The following RNF19B variants were observed in gnomAD, a reference collection of about 807,000 sequenced individuals.
The protein encoded by RNF19B is E3 ubiquitin-protein ligase RNF19B.
Under a neutral mutation model 65.5 loss-of-function variants are expected in RNF19B, and 23 were observed. The observed-to-expected ratio is 0.35, with a 90% CI of 0.25 to 0.50. The LOEUF (loss-of-function observed/expected upper bound fraction) is 0.50. Among genes scored for constraint, RNF19B ranks in the 20% least tolerant of loss-of-function variants. The pLI is 0.98. For synonymous variants in RNF19B, 372 were observed against 379.6 expected, an observed-to-expected ratio of 0.98 and a Z score of 0.23; for missense variants, 794 against 980.0, an observed-to-expected ratio of 0.81 and a Z score of 2.53.
At chr1:32,951,960 T>A (rs1468330781) in intron 1 of RNF19B, among the ~76,000 whole-genome samples, 4 of 77,308 alleles carry the variant, frequency 5.2e-5, no homozygotes, top group African/African-American at 2.1e-4. Flanking sequence ...ACGCCCGGCT[T>A]TTTTTTTTTT....
Position 32,964,774 on chromosome 1 carries a change from C to T in RNF19B, c.-89G>A. On this transcript the variant is annotated 5_prime_UTR_variant, in exon 1 of 9. Transcript: ENST00000235150. This position sits in a 1 kb window ranked among gnomAD's most constrained non-coding sequence, Gnocchi z 6.5. ...TCAGCCAGCGCCCGGCCGCCGCCGA[C>T]GCCGCCACCACCGCCTCAACCGCCC... is the stretch of plus-strand genomic sequence containing the variant. The T allele has an allele frequency of 3.3e-6, 4 of 1,204,034 alleles. No homozygotes were observed. The South Asian group carries it at 6.3e-5, about 19-fold the overall frequency. 74.6% of individuals were successfully genotyped at this position (1,204,034 alleles called of 1,614,324 possible).
chr1:32,938,140 CAA>C (rs80176999), intron 8 of RNF19B, among the ~76,000 whole-genome samples: 6 of 46,040 alleles, frequency 1.3e-4, no homozygotes, highest in Admixed American at 8.1e-4. Context: ...CCAAGAAAGA[CAA>C]AAAAAAAAAA....
rs2124121323 is a variant in RNF19B, at chr1:32,942,253, T to G, written c.1609A>C (p.Arg537=). Residue 537 remains arginine, a splice_region_variant and synonymous_variant, in exon 7 of 9, where the codon AGG becomes CGG. Transcript: ENST00000235150. ...ILSSGKGKYS[R]LEVQADVQKE... ...GTCAGAAATTATCTATTTGTTTACC[T>G]GCTATATTTTCCCTTGCCACTGGAG... 1 of 1,601,290 alleles carries G rather than the reference T, an allele frequency of 6.2e-7. No individual in the cohort carries two copies. Among genetic ancestry groups the G allele is most frequent in the South Asian group, 1.1e-5 (1 of 90,712 alleles).
At chr1:32,951,794 C>T (rs1194250843) in intron 1 of RNF19B, among the ~76,000 whole-genome samples, 1 of 151,752 alleles carries the variant, frequency 6.6e-6, no homozygotes, top group African/African-American at 2.4e-5. Flanking sequence ...TCTCTTCTGA[C>T]ACATATTCTT....
rs747793270 is a variant in RNF19B, at chr1:32,937,085, T to C, written c.1917A>G (p.Gln639=). The C allele has an allele frequency of 1.9e-6, 3 of 1,614,052 alleles. No individual in the cohort carries two copies. Among genetic ancestry groups the C allele is most frequent in the African/African-American group, 1.3e-5 (1 of 74,922 alleles). Residue 639 remains glutamine (Q), a synonymous_variant, in exon 9 of 9, where the codon CAA becomes CAG. Coordinates refer to ENST00000235150, the MANE Select transcript of RNF19B (RefSeq NM_001300826.2). The part of the protein sequence containing the change: ...GSEEDPPCRH[Q]SCEQKDCLAS... ...CCAGGCAGTCTTTCTGTTCACAGCT[T>C]TGGTGTCTGCAGGGGGGATCCTCTT...
At chr1:32,934,265 G>A (rs1434956251), downstream of RNF19B, among the ~76,000 whole-genome samples, 2 of 152,342 alleles carry the variant, frequency 1.3e-5, no homozygotes, top group East Asian at 3.9e-4. Context: ...TGGCCAGGAA[G>A]ACAAAAGTGC....
At chr1:32,946,628 C>T in intron 3 of RNF19B, 64 bp from the exon 4 acceptor site, 2 of 1,412,616 alleles carry the variant, frequency 1.4e-6, no homozygotes, top group South Asian at 1.3e-5. Context: ...TATCATAGGG[C>T]TTGATAACAG....
intron 4 of RNF19B, 63 bp downstream of exon 4, chr1:32,946,339 C>A: frequency 2.0e-6 from 3 of 1,484,954 alleles, no homozygotes; most frequent in Admixed American, 1.8e-5. Context: ...TCCCATTTCC[C>A]TCAAACCTTT....
intron 1 of RNF19B, among the ~76,000 whole-genome samples, chr1:32,955,760 A>G (rs968949585): frequency 3.3e-5 from 5 of 151,790 alleles, no homozygotes; most frequent in East Asian, 1.9e-4. Flanking sequence ...AAAAAAAAAA[A>G]AAAAGAAAAG....
chr1:32,951,322 G>A (rs1642492690), intron 1 of RNF19B, among the ~76,000 whole-genome samples: 1 of 152,188 alleles, frequency 6.6e-6, no homozygotes, highest in Admixed American at 6.5e-5. Context: ...CTTCTCCAAC[G>A]CCCCTTTGCA....
downstream of RNF19B, among the ~76,000 whole-genome samples, chr1:32,933,582 A>G (rs1642055556): frequency 6.6e-6 from 1 of 151,970 alleles, no homozygotes; most frequent in East Asian, 1.9e-4. Flanking sequence ...CTAATGCATT[A>G]TTTGTGTTCG....
rs1339885969 is a variant in RNF19B at position 32,949,794 on chromosome 1, G to T, written c.636-20C>A. On this transcript the variant is annotated intron_variant, in intron 1 of 8. Transcript: ENST00000235150. The stretch of plus-strand genomic sequence containing the variant: ...GCATAACTAGGTAAGGAAACAGTAA[G>T]AGATACCAGTAAGGTAAGAATGATC... 1 of 1,585,264 alleles carries T rather than the reference G, an allele frequency of 6.3e-7. No individual in the cohort carries two copies. The highest frequency in any genetic ancestry group is 8.6e-7 in the Non-Finnish European group (1 of 1,158,864).
intron 1 of RNF19B, among the ~76,000 whole-genome samples, chr1:32,954,457 G>A (rs1476699947): frequency 6.6e-6 from 1 of 151,548 alleles, no homozygotes; most frequent in Non-Finnish European, 1.5e-5. Context: ...TCTCCAAACC[G>A]GCCTGGTGCA....
chr1:32,936,891 G>T lies in RNF19B; in HGVS notation c.2111C>A (p.Pro704Gln), dbSNP rs775317758. Residue 704 changes from proline (P) to glutamine (Q), a missense_variant, in exon 9 of 9, where the codon CCG becomes CAG. Around this residue, in one of 3 missense-constraint regions of RNF19B, gnomAD observed 368 missense variants for 447.3 expected, o/e 0.82. Coordinates refer to ENST00000235150, the MANE Select transcript of RNF19B (RefSeq NM_001300826.2). ...CPSTPRAQGAPSPSAHMNLSA... is the reference protein window; with the variant it reads ...CPSTPRAQGAQSPSAHMNLSA... ...GAGGTTCATATGGGCACTTGGGCTC[G>T]GTGCACCTTGGGCTCTGGGGGTCGA... is the stretch of plus-strand genomic sequence containing the variant. 4 of 1,613,552 alleles carry T rather than the reference G, an allele frequency of 2.5e-6. No individual in the cohort carries two copies. Among genetic ancestry groups the T allele is most frequent in the African/African-American group, 1.3e-5 (1 of 74,858 alleles).
downstream of RNF19B, among the ~76,000 whole-genome samples, chr1:32,933,218 G>A (rs924020282): frequency 1.3e-5 from 2 of 152,038 alleles, no homozygotes; most frequent in African/African-American, 2.4e-5. Context: ...TGTATGAAGA[G>A]GAAATTAAAC....
At position 32,949,267 on chromosome 1, in the gene RNF19B, G is replaced by T. The variant is rs548539377; in HGVS notation, c.841+302C>A. On this transcript the variant is annotated intron_variant, in intron 2 of 8. Transcript: ENST00000235150. ...TCTTTCTGTTCACAATGAAAGTTTT[G>T]AAAAAGCCCCTAGCAAAACAAAATG... 2.9e-4 allele frequency among the ~76,000 whole-genome samples: 44 copies of T among 152,184 alleles called. 1 individual carries two copies. In the Middle Eastern group the frequency reaches 0.037, roughly 129 times the overall value.
chr1:32,960,378 G>A (rs1372069149), intron 1 of RNF19B, among the ~76,000 whole-genome samples: 1 of 152,140 alleles, frequency 6.6e-6, no homozygotes, highest in Non-Finnish European at 1.5e-5. Context: ...AAGATGGTCA[G>A]GTATGGGAAT....
At chr1:32,938,140 C>CCAAAAAAAAA (rs1642147651) in intron 8 of RNF19B, among the ~76,000 whole-genome samples, 2 of 46,044 alleles carry the variant, frequency 4.3e-5, no homozygotes, top group African/African-American at 1.7e-4. Context: ...CCAAGAAAGA[C>CCAAAAAAAAA]AAAAAAAAAA....
At chr1:32,960,505 T>C (rs2124189117) in intron 1 of RNF19B, among the ~76,000 whole-genome samples, 1 of 152,214 alleles carries the variant, frequency 6.6e-6, no homozygotes, top group African/African-American at 2.4e-5. Flanking sequence ...GTGCAGTGGT[T>C]CGTGCCTATA....
Sources: gnomAD v4.1 joint callset for allele counts (sites outside exome capture counted in the v4.1 genomes callset) on GRCh38, gnomAD v4.1.1 for gene constraint, gnomAD v4.1.1 regional missense constraint, Gnocchi (gnomAD v3.1) non-coding constraint, MANE v1.5 for transcripts, NCBI Gene and HGNC (gene_info 2026-07-23, HGNC 2026-07-21) for gene names.